MAP3K2: variants seen among roughly 807,000 people sequenced by gnomAD.
The protein encoded by MAP3K2 is MAP/ERK kinase kinase 2.
A neutral mutation model predicts 80.3 loss-of-function variants in MAP3K2; 24 were observed. The observed-to-expected ratio is 0.30, with a 90% CI of 0.22 to 0.42. MAP3K2 has a LOEUF of 0.42. MAP3K2 is among the 10% of genes least tolerant of loss of function. The probability of loss-of-function intolerance (pLI) is 1.00; values close to 1 mark genes in which losing one functional copy is unlikely to be tolerated. For missense variants in MAP3K2, 608 were observed against 750.1 expected (o/e 0.81, Z 2.21); for synonymous variants, 244 against 253.7 (o/e 0.96, Z 0.36).
chr2:127,337,429 G>A (rs1573991103), intron 4 of MAP3K2, among the ~76,000 whole-genome samples: 1 of 151,680 alleles, frequency 6.6e-6, no homozygotes, highest in East Asian at 1.9e-4. Context: ...CAATTATAAG[G>A]AAAAATATAT....
At chr2:127,370,595 T>C (rs2104887065) in intron 1 of MAP3K2, among the ~76,000 whole-genome samples, 1 of 152,276 alleles carries the variant, frequency 6.6e-6, no homozygotes, top group Middle Eastern at 3.4e-3. Flanking sequence ...GAGCCTGGGT[T>C]TCACAGGCTC....
rs1005177419 is a variant in MAP3K2 at position 127,364,628 on chromosome 2, T to C, written c.-65-21434A>G. Among the ~76,000 whole-genome samples the C allele has an allele frequency of 1.3e-5, 2 of 152,166 alleles. No individual in the cohort carries two copies. The highest frequency in any genetic ancestry group is 2.4e-5 in the African/African-American group (1 of 41,434). On this transcript the variant is annotated intron_variant, in intron 1 of 16. Coordinates refer to ENST00000682094, the MANE Select transcript of MAP3K2 (RefSeq NM_001371910.2). The surrounding 1 kb of genome is among the most constrained non-coding windows in gnomAD (Gnocchi z 4.1). ...ACACAGTCACCTTTCTGAAAGGATA[T>C]TACCTCATAGAACAGCTTCCTAACT... is the stretch of plus-strand genomic sequence containing the variant.
At chr2:127,355,769 T>C (rs1049025483) in intron 1 of MAP3K2, among the ~76,000 whole-genome samples, 7 of 152,164 alleles carry the variant, frequency 4.6e-5, no homozygotes, top group African/African-American at 1.7e-4. Flanking sequence ...AAAATTTTAC[T>C]CTAGCATTCG....
rs1686334762 is a variant in MAP3K2, at chr2:127,334,857, G to GCCTC, written c.264+1009_264+1012dup. The stretch of plus-strand genomic sequence containing the variant: ...GCGGTATCAGCTCATTGCAACCTCT[G>GCCTC]CCTCCCGGGTTCAAGCGATTCTCCT... On this transcript the variant is annotated intron_variant, in intron 5 of 16. Coordinates refer to ENST00000682094, the MANE Select transcript of MAP3K2 (RefSeq NM_001371910.2). 3.4e-5 allele frequency among the ~76,000 whole-genome samples: 5 copies of GCCTC among 149,024 alleles called. No individual in the cohort carries two copies. In the South Asian group the frequency reaches 1.1e-3, roughly 31 times the overall value.
rs1686038887 is a variant in MAP3K2, at chr2:127,322,254, T to TA, written c.839-3dup. 6.3e-7 allele frequency: 1 copy of TA among 1,598,678 alleles called. No homozygotes were observed. The highest frequency in any genetic ancestry group is 8.6e-7 in the Non-Finnish European group (1 of 1,166,792). On this transcript the variant is annotated splice_region_variant and splice_polypyrimidine_tract_variant and intron_variant, in intron 11 of 16. Coordinates refer to ENST00000682094, the MANE Select transcript of MAP3K2 (RefSeq NM_001371910.2). This position sits in a 1 kb window ranked among gnomAD's most constrained non-coding sequence, Gnocchi z 4.2. ...TAGCTCTTGGAAAAGTTTTACGACC[T>TA]AAAAAATGAAAAGAGAATGACCTTA...
chr2:127,353,375 T>C (rs1310084758), intron 1 of MAP3K2, among the ~76,000 whole-genome samples: 4 of 139,976 alleles, frequency 2.9e-5, no homozygotes, highest in Non-Finnish European at 6.1e-5. Context: ...GTGAGGAGCA[T>C]CTCCGCCCGG....
At chr2:127,383,198 C>T (rs1687279823) in intron 1 of MAP3K2, among the ~76,000 whole-genome samples, 1 of 152,198 alleles carries the variant, frequency 6.6e-6, no homozygotes, top group African/African-American at 2.4e-5. Context: ...AGTCACCTCC[C>T]ACCAGGCCCC....
intron 1 of MAP3K2, among the ~76,000 whole-genome samples, chr2:127,353,667 G>A (rs1346648481): frequency 3.3e-5 from 5 of 151,558 alleles, no homozygotes; most frequent in Non-Finnish European, 7.4e-5. Context: ...GGGAGGTGAG[G>A]GGCGCCTCTG....
In MAP3K2 at chr2:127,384,121, T is replaced by C. The variant is rs546523056; in HGVS notation, c.-66+3331A>G. Among the ~76,000 whole-genome samples the C allele has an allele frequency of 3.2e-3, 487 of 151,658 alleles. 4 individuals carry two copies. Among genetic ancestry groups the C allele is most frequent in the African/African-American group, 0.011 (452 of 41,414 alleles). On this transcript the variant is annotated intron_variant, in intron 1 of 16. Transcript: ENST00000682094. Reference sequence around the variant, plus strand: ...CCTGTTAGCCAGGATGGTCTTGATCTCCTGACCTCGTGATCTGCCCGCCTC... The same window carrying C: ...CCTGTTAGCCAGGATGGTCTTGATCCCCTGACCTCGTGATCTGCCCGCCTC...
chr2:127,324,763 C>T (rs1454421932), intron 9 of MAP3K2, among the ~76,000 whole-genome samples: 7 of 152,096 alleles, frequency 4.6e-5, no homozygotes, highest in Admixed American at 2.6e-4. Flanking sequence ...TGCATTCCCA[C>T]GCAATATTAG....
intron 1 of MAP3K2, among the ~76,000 whole-genome samples, chr2:127,361,302 C>A (rs370219009): frequency 5.7e-5 from 7 of 121,796 alleles, no homozygotes; most frequent in Admixed American, 1.8e-4. Context: ...GACAGAGCAA[C>A]ACTCTGTCTC....
chr2:127,329,702 C>T lies in MAP3K2; in HGVS notation c.466+219G>A, dbSNP rs968176788. Among the ~76,000 whole-genome samples the T allele has an allele frequency of 5.9e-5, 9 of 152,074 alleles. No individual in the cohort carries two copies. In the East Asian group the frequency reaches 1.7e-3, roughly 29 times the overall value. ...TTGAATTTGTTAACATTAAAATACC[C>T]TGAGTATATAAATAAAGAATTTAAA... On this transcript the variant is annotated intron_variant, in intron 7 of 16. Coordinates refer to ENST00000682094, the MANE Select transcript of MAP3K2 (RefSeq NM_001371910.2).
intron 1 of MAP3K2, among the ~76,000 whole-genome samples, chr2:127,353,513 G>A (rs969532124): frequency 2.6e-5 from 4 of 151,978 alleles, no homozygotes; most frequent in Non-Finnish European, 5.9e-5. Context: ...CAGCCGCCCC[G>A]TCTGGGAAGT....
At chr2:127,357,938 A>G (rs1007289318) in intron 1 of MAP3K2, among the ~76,000 whole-genome samples, 3 of 152,204 alleles carry the variant, frequency 2.0e-5, no homozygotes, top group Non-Finnish European at 4.4e-5. Context: ...TTGAAGAGCA[A>G]AAGTACAGTA....
chr2:127,385,800 C>T (rs552637207), intron 1 of MAP3K2, among the ~76,000 whole-genome samples: 1 of 152,276 alleles, frequency 6.6e-6, no homozygotes, highest in South Asian at 2.1e-4. Flanking sequence ...TTTAATACAG[C>T]ACCTGTTAGT....
Position 127,330,329 on chromosome 2 carries a change from T to C in MAP3K2, c.378+63A>G, listed in dbSNP as rs367677145. The C allele has an allele frequency of 2.5e-4, 179 of 727,198 alleles. 2 individuals carry two copies. In the African/African-American group the frequency reaches 2.8e-3, roughly 11 times the overall value. 45.0% of individuals were successfully genotyped at this position (727,198 alleles called of 1,614,324 possible). A position where few individuals can be genotyped will look rare whatever the true frequency, so the allele number is the denominator to read the frequency against. On this transcript the variant is annotated intron_variant, in intron 6 of 16. Transcript: ENST00000682094. ...GATTATAGAATATAATTATGTTTCATATGTTAACTTTTACAAGCCTAAGTC... is the reference window on the plus strand; with the variant it reads ...GATTATAGAATATAATTATGTTTCACATGTTAACTTTTACAAGCCTAAGTC...
Position 127,377,578 on chromosome 2 carries a change from T to C in MAP3K2, c.-66+9874A>G, listed in dbSNP as rs184594777. Among the ~76,000 whole-genome samples the C allele has an allele frequency of 2.6e-3, 403 of 152,136 alleles. 6 individuals are homozygous for C. The highest frequency in any genetic ancestry group is 1.5e-3 in the Non-Finnish European group (105 of 67,984). On this transcript the variant is annotated intron_variant, in intron 1 of 16. Transcript: ENST00000682094. ...CTCTAACTGGAAGAGCCACACAAAA[T>C]CCCAACTGCACTATGTGACTCTGAG...
intron 14 of MAP3K2, among the ~76,000 whole-genome samples, chr2:127,316,102 A>G (rs1685897341): frequency 6.6e-6 from 1 of 151,380 alleles, no homozygotes. Flanking sequence ...GCCAGGAGCA[A>G]TGGCTCATGC....
At chr2:127,338,597 T>C (rs1336958401) in intron 3 of MAP3K2, among the ~76,000 whole-genome samples, 1 of 152,210 alleles carries the variant, frequency 6.6e-6, no homozygotes. Flanking sequence ...TGGTTTTCTG[T>C]TCCTGCATTA....
Sources: gnomAD v4.1 joint callset for allele counts (sites outside exome capture counted in the v4.1 genomes callset) on GRCh38, gnomAD v4.1.1 for gene constraint, Gnocchi (gnomAD v3.1) non-coding constraint, MANE v1.5 for transcripts, NCBI Gene and HGNC (gene_info 2026-07-23, HGNC 2026-07-21) for gene names.